MRPL37: variants seen among roughly 807,000 people sequenced by gnomAD.
The protein encoded by MRPL37 is large ribosomal subunit protein mL37.
Under a neutral mutation model 44.1 loss-of-function variants are expected in MRPL37, and 34 were observed. The ratio of observed to expected loss-of-function variants is 0.77; its 90% confidence interval spans 0.59 to 1.03. The LOEUF (loss-of-function observed/expected upper bound fraction) is 1.03. Ranked by LOEUF, MRPL37 falls within the 50% of genes least tolerant of loss-of-function variation. The pLI is 0.00. For synonymous variants in MRPL37, 212 were observed against 219.5 expected, an observed-to-expected ratio of 0.97 and a Z score of 0.30; for missense variants, 532 against 543.7, an observed-to-expected ratio of 0.98 and a Z score of 0.21.
chr1:54,218,500 G>A, downstream of MRPL37: 3 of 852,934 alleles, frequency 3.5e-6, no homozygotes, highest in Non-Finnish European at 5.0e-6. Flanking sequence ...TGTGATCTTA[G>A]ATAAGGATCT....
intron 6 of MRPL37, among the ~76,000 whole-genome samples, chr1:54,217,474 C>G (rs931932916): frequency 2.6e-5 from 4 of 152,206 alleles, no homozygotes; most frequent in Admixed American, 2.6e-4. Flanking sequence ...ACAGCTTCTC[C>G]TCACCTCTGC....
chr1:54,209,947 GTC>G lies in MRPL37; in HGVS notation c.652_653del (p.Leu218SerfsTer15), dbSNP rs766756232. On this transcript the variant is annotated frameshift_variant and splice_region_variant, in exon 4 of 7. Transcript: ENST00000360840. LOFTEE classifies it high-confidence loss of function. ...STFSATWNRE[S>X]LLLQVRGSGG... ...AGTAACCATTTTTCTCCCTTTTAGA[GTC>G]TCTTCTCCTTCAAGTCCGTGGTTCT... 11 of 1,613,768 alleles carry G rather than the reference GTC, an allele frequency of 6.8e-6. No homozygotes were observed. The highest frequency in any genetic ancestry group is 2.7e-5 in the African/African-American group (2 of 74,892).
In MRPL37 at chr1:54,212,756, G is replaced by A. The variant is rs1201277969; in HGVS notation, c.990+98G>A. 4 of 1,518,824 alleles carry A rather than the reference G, an allele frequency of 2.6e-6. No individual in the cohort carries two copies. The Admixed American group carries it at 7.5e-5, about 29-fold the overall frequency. 94.1% of individuals were successfully genotyped at this position (1,518,824 alleles called of 1,614,324 possible). ...GGAAGAAAAGGGATATAGGGGAACT[G>A]ATTTCTTGACTGAGGAGTTTTAGGG... On this transcript the variant is annotated intron_variant, in intron 5 of 6. Transcript: ENST00000360840.
At chr1:54,220,283 G>A (rs938940735), downstream of MRPL37, among the ~76,000 whole-genome samples, 2 of 152,146 alleles carry the variant, frequency 1.3e-5, no homozygotes, top group Non-Finnish European at 2.9e-5. Flanking sequence ...CTGAGTAAGC[G>A]GACCATCAGC....
At chr1:54,215,089 T>A (rs1644188669) in intron 5 of MRPL37, among the ~76,000 whole-genome samples, 2 of 152,170 alleles carry the variant, frequency 1.3e-5, no homozygotes, top group Admixed American at 1.3e-4. Flanking sequence ...TGAGTAGCAG[T>A]CACCAAACTG....
chr1:54,216,101 C>T (rs1324071075), intron 5 of MRPL37, 40 bp from the exon 6 acceptor site: 3 of 1,610,536 alleles, frequency 1.9e-6, no homozygotes, highest in Non-Finnish European at 2.5e-6. Context: ...TTACACTCCA[C>T]AGCTTCTGAT....
intron 6 of MRPL37, among the ~76,000 whole-genome samples, chr1:54,217,939 G>T (rs1400480724): frequency 6.6e-6 from 1 of 152,210 alleles, no homozygotes; most frequent in African/African-American, 2.4e-5. Flanking sequence ...GGAAGTGAGA[G>T]GGCCTCGGGA....
downstream of MRPL37, chr1:54,225,221 A>G: frequency 8.1e-7 from 1 of 1,234,364 alleles, no homozygotes; most frequent in Non-Finnish European, 1.0e-6. Flanking sequence ...AGTGAGATGG[A>G]TACCTTCCCT....
chr1:54,219,942 T>C (rs1046174478), downstream of MRPL37, among the ~76,000 whole-genome samples: 1 of 152,270 alleles, frequency 6.6e-6, no homozygotes, highest in Non-Finnish European at 1.5e-5. Flanking sequence ...CAGTCCGGGT[T>C]GTTTCCAGTT....
chr1:54,209,114 T>A (rs1193641452), intron 3 of MRPL37, among the ~76,000 whole-genome samples: 1 of 152,242 alleles, frequency 6.6e-6, no homozygotes, highest in Non-Finnish European at 1.5e-5. Flanking sequence ...TGAATATGTT[T>A]CATCCTTTTC....
chr1:54,222,305 G>A (rs1379032282), downstream of MRPL37, among the ~76,000 whole-genome samples: 1 of 152,210 alleles, frequency 6.6e-6, no homozygotes, highest in East Asian at 1.9e-4. Flanking sequence ...ATCTGAGCTA[G>A]GTTCTGAAGG....
intron 1 of MRPL37, among the ~76,000 whole-genome samples, chr1:54,201,902 A>G (rs887672962): frequency 3.9e-5 from 6 of 151,966 alleles, no homozygotes; most frequent in African/African-American, 4.8e-5. Flanking sequence ...TATTTTATCT[A>G]TTGTCAAGTT....
intron 6 of MRPL37, 81 bp from the exon 7 acceptor site, chr1:54,218,091 G>A: frequency 2.3e-6 from 3 of 1,289,968 alleles, no homozygotes; most frequent in South Asian, 1.2e-5. Context: ...AGGCACTGAA[G>A]ATTTACTTCA....
Position 54,200,301 on chromosome 1 carries a change from C to T in MRPL37, c.58C>T (p.Leu20Phe), listed in dbSNP as rs368894828. Residue 20 changes from leucine (L) to phenylalanine (F), a missense_variant, in exon 1 of 7, where the codon CTT (leucine) becomes TTT (phenylalanine). Transcript: ENST00000360840. Reference protein sequence around the residue: ...RALAGSGQLGLGGFGAPRRGA... With the variant: ...RALAGSGQLGFGGFGAPRRGA... Reference sequence around the variant, plus strand: ...GCTAGCTGGCTCCGGGCAGCTCGGCCTTGGGGGCTTCGGGGCCCCGAGACG... The same window carrying T: ...GCTAGCTGGCTCCGGGCAGCTCGGCTTTGGGGGCTTCGGGGCCCCGAGACG... 1.7e-5 allele frequency: 27 copies of T among 1,612,500 alleles called. No homozygotes were observed. In the East Asian group the frequency reaches 2.5e-4, roughly 15 times the overall value.
At chr1:54,211,585 C>T (rs1644165279) in intron 4 of MRPL37, among the ~76,000 whole-genome samples, 1 of 152,094 alleles carries the variant, frequency 6.6e-6, no homozygotes, top group Non-Finnish European at 1.5e-5. Context: ...CTTGACCTCC[C>T]AGGCTCAAGC....
chr1:54,201,942 A>C (rs1644087681), intron 1 of MRPL37, among the ~76,000 whole-genome samples: 1 of 151,980 alleles, frequency 6.6e-6, no homozygotes, highest in Non-Finnish European at 1.5e-5. Context: ...CAGAGCTAAA[A>C]CTTAGTTTAT....
chr1:54,224,018 C>T (rs1258624959), downstream of MRPL37, among the ~76,000 whole-genome samples: 4 of 152,332 alleles, frequency 2.6e-5, no homozygotes, highest in South Asian at 2.1e-4. Flanking sequence ...ACACAGCAGG[C>T]GCTCTTCCCA....
intron 6 of MRPL37, among the ~76,000 whole-genome samples, chr1:54,217,511 TC>T (rs1439365816): frequency 3.3e-5 from 5 of 152,218 alleles, no homozygotes; most frequent in Non-Finnish European, 7.3e-5. Context: ...GCTCCACCCC[TC>T]AGCATTCGCC....
At chr1:54,223,199 T>A (rs1644247925), downstream of MRPL37, among the ~76,000 whole-genome samples, 3 of 152,198 alleles carry the variant, frequency 2.0e-5, no homozygotes, top group South Asian at 6.2e-4. Context: ...CCAGTGCTTG[T>A]ACCCAGTGAG....
Sources: gnomAD v4.1 joint callset for allele counts (sites outside exome capture counted in the v4.1 genomes callset) on GRCh38, gnomAD v4.1.1 for gene constraint, MANE v1.5 for transcripts, NCBI Gene and HGNC (gene_info 2026-07-23, HGNC 2026-07-21) for gene names.